CERKL: variants seen among roughly 807,000 people sequenced by gnomAD.
CERKL encodes the protein CERK like autophagy regulator, also known as ceramide kinase-like protein.
Under a neutral mutation model 63.4 loss-of-function variants are expected in CERKL, and 61 were observed. That is an observed-to-expected ratio of 0.96 (90% CI 0.78 to 1.19). CERKL has a LOEUF of 1.19. Among genes scored for constraint, CERKL ranks in the 50% most tolerant of loss-of-function variants. CERKL has a pLI of 0.00. For synonymous variants in CERKL, 250 were observed against 230.5 expected (o/e 1.08, Z -0.77); for missense variants, 675 against 655.5 (o/e 1.03, Z -0.33).
At chr2:181,549,855 T>C (rs1336036284) in intron 5 of CERKL, 147 bp from the exon 6 acceptor site, 3 of 682,462 alleles carry the variant, frequency 4.4e-6, no homozygotes, top group Non-Finnish European at 8.1e-6. Flanking sequence ...ATGTGAATAT[T>C]AGAAGTTTAA....
intron 3 of CERKL, among the ~76,000 whole-genome samples, chr2:181,573,523 GTCTGAAAAAATA>G (rs1288196409): frequency 1.3e-5 from 2 of 151,928 alleles, no homozygotes; most frequent in East Asian, 3.8e-4. Context: ...AATTGTTTAA[GTCTGAAAAAATA>G]TCTGAAAAAA....
At chr2:181,582,894 T>C (rs908819274) in intron 2 of CERKL, among the ~76,000 whole-genome samples, 1 of 152,106 alleles carries the variant, frequency 6.6e-6, no homozygotes, top group Non-Finnish European at 1.5e-5. Context: ...TATTCAAAAC[T>C]GATATTCTGA....
chr2:181,576,016 T>G (rs1238054193), intron 2 of CERKL, among the ~76,000 whole-genome samples: 1 of 152,082 alleles, frequency 6.6e-6, no homozygotes, highest in Non-Finnish European at 1.5e-5. Flanking sequence ...ACTATTTACA[T>G]GAAAGGACGC....
At chr2:181,628,326 C>T (rs565945167) in intron 1 of CERKL, among the ~76,000 whole-genome samples, 1 of 152,064 alleles carries the variant, frequency 6.6e-6, no homozygotes, top group Non-Finnish European at 1.5e-5. Context: ...TCGTACTTTA[C>T]CTATTGGGAG....
At chr2:181,638,019 C>A (rs928486713) in intron 1 of CERKL, among the ~76,000 whole-genome samples, 4 of 151,928 alleles carry the variant, frequency 2.6e-5, no homozygotes, top group Non-Finnish European at 4.4e-5. Context: ...CAGGATAAAG[C>A]AAATGAGTAA....
intron 2 of CERKL, among the ~76,000 whole-genome samples, chr2:181,588,240 C>G (rs1367997867): frequency 6.6e-6 from 1 of 152,118 alleles, no homozygotes; most frequent in African/African-American, 2.4e-5. Context: ...ATCCCGTGAC[C>G]AACATCTCCT....
chr2:181,604,416 T>C (rs563315584), intron 1 of CERKL, among the ~76,000 whole-genome samples: 1 of 152,284 alleles, frequency 6.6e-6, no homozygotes, highest in Non-Finnish European at 1.5e-5. Context: ...ATTTTATGGA[T>C]TGCCCTTTAT....
chr2:181,559,925 AC>A (rs1255106579), intron 4 of CERKL, among the ~76,000 whole-genome samples: 1 of 152,150 alleles, frequency 6.6e-6, no homozygotes, highest in Non-Finnish European at 1.5e-5. Context: ...TCAAGATATG[AC>A]CCAGGTCATG....
intron 1 of CERKL, among the ~76,000 whole-genome samples, chr2:181,625,596 TAAAC>T (rs1434701003): frequency 1.3e-5 from 2 of 152,188 alleles, no homozygotes; most frequent in African/African-American, 2.4e-5. Flanking sequence ...ACCATATAAA[TAAAC>T]AAATATTGAG....
chr2:181,587,280 T>C (rs1445649650), intron 2 of CERKL, among the ~76,000 whole-genome samples: 3 of 152,184 alleles, frequency 2.0e-5, no homozygotes, highest in Non-Finnish European at 4.4e-5. Flanking sequence ...AGCCCAGCAA[T>C]GTAAACATAT....
intron 1 of CERKL, among the ~76,000 whole-genome samples, chr2:181,625,261 C>G (rs1686634738): frequency 6.6e-6 from 1 of 151,606 alleles, no homozygotes; most frequent in Non-Finnish European, 1.5e-5. Context: ...GACGAGTAAG[C>G]TGTAGAGTGA....
Position 181,558,476 on chromosome 2 carries a change from T to C in CERKL, c.820+90A>G. ...GTCTGGATCTTTCAAAGTCTGTTCATTAATTCTGTGTTGTGCTGTCTAGAT... is the reference window on the plus strand; with the variant it reads ...GTCTGGATCTTTCAAAGTCTGTTCACTAATTCTGTGTTGTGCTGTCTAGAT... On this transcript the variant is annotated intron_variant, in intron 5 of 12. Transcript: ENST00000410087. The surrounding 1 kb of genome is among the most constrained non-coding windows in gnomAD (Gnocchi z 4.2). The C allele has an allele frequency of 7.1e-7, 1 of 1,401,020 alleles. No individual in the cohort carries two copies. The highest frequency in any genetic ancestry group is 1.0e-6 in the Non-Finnish European group (1 of 996,182). The allele number at this position is 1,401,020 out of a possible 1,614,324, so 86.8% of individuals were successfully genotyped here. A position where few individuals can be genotyped will look rare whatever the true frequency, so the allele number is the denominator to read the frequency against.
chr2:181,551,859 G>A (rs960681440), intron 5 of CERKL, among the ~76,000 whole-genome samples: 2 of 152,156 alleles, frequency 1.3e-5, no homozygotes, highest in Admixed American at 6.6e-5. Flanking sequence ...CACATGAGGT[G>A]TGGAATTTTC....
intron 11 of CERKL, among the ~76,000 whole-genome samples, chr2:181,542,495 C>T (rs1687551393): frequency 6.6e-6 from 1 of 151,992 alleles, no homozygotes; most frequent in Non-Finnish European, 1.5e-5. Flanking sequence ...TTAATGTCAC[C>T]ATGAAGGAAA....
chr2:181,629,536 T>C (rs1686859146), intron 1 of CERKL, among the ~76,000 whole-genome samples: 1 of 151,632 alleles, frequency 6.6e-6, no homozygotes, highest in Admixed American at 6.6e-5. Flanking sequence ...AGACACAAAA[T>C]AAACACTGAT....
At chr2:181,540,224 GC>G (rs1172151043) in intron 11 of CERKL, among the ~76,000 whole-genome samples, 2 of 152,122 alleles carry the variant, frequency 1.3e-5, no homozygotes, top group Non-Finnish European at 2.9e-5. Context: ...GAATTAGAGG[GC>G]CCCAAGCAAA....
intron 12 of CERKL, 116 bp from the exon 13 acceptor site, chr2:181,538,360 C>T: frequency 1.5e-6 from 1 of 647,046 alleles, no homozygotes; most frequent in Non-Finnish European, 2.8e-6. Flanking sequence ...ACAGCATTCC[C>T]AACAGAGCTG....
intron 1 of CERKL, among the ~76,000 whole-genome samples, chr2:181,636,281 ATTAT>A (rs1687177494): frequency 6.6e-6 from 1 of 152,096 alleles, no homozygotes; most frequent in Admixed American, 6.6e-5. Flanking sequence ...CACCATCACC[ATTAT>A]TTATTTCCCT....
intron 1 of CERKL, among the ~76,000 whole-genome samples, chr2:181,641,826 T>A (rs923368329): frequency 6.6e-6 from 1 of 152,194 alleles, no homozygotes; most frequent in African/African-American, 2.4e-5. Flanking sequence ...AATAGCCACA[T>A]GTAGCTGGTG....
Sources: gnomAD v4.1 joint callset for allele counts (sites outside exome capture counted in the v4.1 genomes callset) on GRCh38, gnomAD v4.1.1 for gene constraint, Gnocchi (gnomAD v3.1) non-coding constraint, MANE v1.5 for transcripts, NCBI Gene and HGNC (gene_info 2026-07-23, HGNC 2026-07-21) for gene names.